LUZP2: variants seen among roughly 807,000 people sequenced by gnomAD.
LUZP2 encodes the protein leucine zipper protein 2.
LUZP2 carries 52 observed loss-of-function variants against 51.6 expected under a neutral mutation model. That is an observed-to-expected ratio of 1.01 (90% CI 0.81 to 1.27). LUZP2 has a LOEUF of 1.27. Among genes scored for constraint, LUZP2 ranks in the 50% most tolerant of loss-of-function variants. The pLI is 0.00. For synonymous variants in LUZP2, 154 were observed against 137.3 expected (o/e 1.12, Z -0.85); for missense variants, 436 against 395.4 (o/e 1.10, Z -0.87).
chr11:25,047,972 C>T (rs1411050787), intron 9 of LUZP2, among the ~76,000 whole-genome samples: 1 of 20,390 alleles, frequency 4.9e-5, no homozygotes, highest in Non-Finnish European at 1.8e-4. Flanking sequence ...GTGTAAACTA[C>T]CACATTAAAA....
At chr11:24,619,557 C>A (rs1426780445) in intron 1 of LUZP2, among the ~76,000 whole-genome samples, 2 of 151,908 alleles carry the variant, frequency 1.3e-5, no homozygotes, top group South Asian at 4.1e-4. Context: ...CTTTTTAGAC[C>A]ACATTATAGG....
rs376840716 is a variant in LUZP2 at position 24,971,555 on chromosome 11, G to A, written c.523-5036G>A. The stretch of plus-strand genomic sequence containing the variant: ...TAGGATAGTCACTATTAGCATGATG[G>A]GATCTATATTGCAAACCTCAGCATC... On this transcript the variant is annotated intron_variant, in intron 7 of 11. Coordinates refer to ENST00000336930, the MANE Select transcript of LUZP2 (RefSeq NM_001009909.4). Among the ~76,000 whole-genome samples the A allele has an allele frequency of 2.4e-4, 37 of 152,004 alleles. 1 individual carries two copies. Among genetic ancestry groups the A allele is most frequent in the Middle Eastern group, 3.4e-3 (1 of 294 alleles).
intron 5 of LUZP2, among the ~76,000 whole-genome samples, chr11:24,820,686 A>G (rs1468076221): frequency 2.0e-5 from 3 of 152,154 alleles, no homozygotes; most frequent in African/African-American, 7.2e-5. Flanking sequence ...GAAATATGGA[A>G]AAATGGGGGC....
intron 7 of LUZP2, among the ~76,000 whole-genome samples, chr11:24,923,248 C>A (rs1038947429): frequency 2.6e-5 from 4 of 151,976 alleles, no homozygotes; most frequent in Non-Finnish European, 4.4e-5. Context: ...CAGATTATAT[C>A]TTTTAGAAGT....
At chr11:24,634,750 A>G (rs935720176) in intron 1 of LUZP2, among the ~76,000 whole-genome samples, 1 of 152,148 alleles carries the variant, frequency 6.6e-6, no homozygotes. Flanking sequence ...TTGCAGGTGC[A>G]AGGTGAAAGG....
In LUZP2 at chr11:25,050,096, G is replaced by T; in HGVS notation, c.824G>T (p.Gly275Val). Residue 275 changes from glycine (G) to valine (V), a missense_variant, in exon 10 of 12, where the codon GGA becomes GTA. Physicochemically the swap from Gly to Val is moderately radical, Grantham distance 109. Coordinates refer to ENST00000336930, the MANE Select transcript of LUZP2 (RefSeq NM_001009909.4). The part of the protein sequence containing the change: ...ESSQVESTKE[G>V]NPSTTACDSQ... ...TCTCAAGTTGAGTCAACAAAGGAAG[G>T]AAATCCAAGTACCACTGCCTGTGAC... The T allele has an allele frequency of 6.3e-7, 1 of 1,599,702 alleles. No homozygotes were observed. Among genetic ancestry groups the T allele is most frequent in the South Asian group, 1.1e-5 (1 of 88,910 alleles).
chr11:24,744,165 G>C (rs1197537907), intron 4 of LUZP2, among the ~76,000 whole-genome samples: 1 of 152,046 alleles, frequency 6.6e-6, no homozygotes, highest in Admixed American at 6.6e-5. Flanking sequence ...ATATTGGTCT[G>C]TAGTTTTATT....
chr11:24,559,582 G>A (rs954079509), intron 1 of LUZP2, among the ~76,000 whole-genome samples: 3 of 152,162 alleles, frequency 2.0e-5, no homozygotes, highest in African/African-American at 4.8e-5. Context: ...TTACCTGCAA[G>A]TGATTAAATT....
chr11:25,072,504 G>A (rs924115136), intron 10 of LUZP2, among the ~76,000 whole-genome samples: 1 of 151,986 alleles, frequency 6.6e-6, no homozygotes, highest in East Asian at 1.9e-4. Context: ...TTTCATTTGT[G>A]TGGCCAAAAA....
intron 7 of LUZP2, among the ~76,000 whole-genome samples, chr11:24,947,550 C>G (rs1156551138): frequency 2.0e-5 from 3 of 151,572 alleles, no homozygotes; most frequent in Non-Finnish European, 4.4e-5. Flanking sequence ...TTTTTTCCCC[C>G]CAAGTGTATT....
intron 1 of LUZP2, among the ~76,000 whole-genome samples, chr11:24,512,761 T>C (rs1348293493): frequency 1.3e-5 from 2 of 151,820 alleles, no homozygotes; most frequent in Non-Finnish European, 1.5e-5. Context: ...TTGTTTTTTT[T>C]TTTTTGGAGA....
intron 5 of LUZP2, among the ~76,000 whole-genome samples, chr11:24,865,227 C>T (rs940473242): frequency 6.6e-6 from 1 of 152,214 alleles, no homozygotes; most frequent in African/African-American, 2.4e-5. Flanking sequence ...GTAATGTCAG[C>T]TGAAAACTGA....
At chr11:24,784,104 G>A (rs550945107) in intron 5 of LUZP2, among the ~76,000 whole-genome samples, 24 of 151,958 alleles carry the variant, frequency 1.6e-4, no homozygotes, top group African/African-American at 5.3e-4. Context: ...TCAATTTCTT[G>A]TGAATTAACA....
chr11:24,659,649 CT>C lies in LUZP2; in HGVS notation c.63-69519del, dbSNP rs1335619031. Among the ~76,000 whole-genome samples the C allele has an allele frequency of 2.6e-5, 4 of 151,670 alleles. No individual in the cohort carries two copies. In the East Asian group the frequency reaches 7.7e-4, roughly 29 times the overall value. On this transcript the variant is annotated intron_variant, in intron 1 of 11. Coordinates refer to ENST00000336930, the MANE Select transcript of LUZP2 (RefSeq NM_001009909.4). Reference sequence around the variant, plus strand: ...TGGCAGCCCGTTCAAGCCTATGGAACTCACAATATATTTTTAAATACATAAA... The same window carrying C: ...TGGCAGCCCGTTCAAGCCTATGGAACCACAATATATTTTTAAATACATAAA...
chr11:24,849,271 C>A (rs1391686601), intron 5 of LUZP2, among the ~76,000 whole-genome samples: 2 of 152,072 alleles, frequency 1.3e-5, no homozygotes, highest in African/African-American at 4.8e-5. Flanking sequence ...CTAATGCTAT[C>A]CCTCCCCTAG....
chr11:24,801,012 G>A (rs951762028), intron 5 of LUZP2, among the ~76,000 whole-genome samples: 5 of 152,000 alleles, frequency 3.3e-5, no homozygotes, highest in African/African-American at 9.7e-5. Context: ...TCCATTTCAC[G>A]TTACATCATG....
chr11:24,997,528 C>T (rs1482264344), intron 9 of LUZP2, among the ~76,000 whole-genome samples: 1 of 152,166 alleles, frequency 6.6e-6, no homozygotes, highest in Non-Finnish European at 1.5e-5. Flanking sequence ...AGCCCTTTGT[C>T]AGATGAGTAG....
intron 1 of LUZP2, among the ~76,000 whole-genome samples, chr11:24,582,630 T>C (rs1852908553): frequency 6.6e-6 from 1 of 152,132 alleles, no homozygotes; most frequent in Non-Finnish European, 1.5e-5. Context: ...TAAAACCTTA[T>C]AAGTGGTACC....
intron 5 of LUZP2, chr11:24,786,243 G>T: frequency 3.1e-6 from 3 of 959,168 alleles, no homozygotes; most frequent in Middle Eastern, 5.3e-4. Flanking sequence ...CATCGTAATT[G>T]CATGCATGCA....
Sources: gnomAD v4.1 joint callset for allele counts (sites outside exome capture counted in the v4.1 genomes callset) on GRCh38, gnomAD v4.1.1 for gene constraint, MANE v1.5 for transcripts, NCBI Gene and HGNC (gene_info 2026-07-23, HGNC 2026-07-21) for gene names.